Variants in SPATS2 observed in about 807,000 individuals in gnomAD.
SPATS2 encodes spermatogenesis-associated serine-rich protein 2.
Under a neutral mutation model 63.7 loss-of-function variants are expected in SPATS2, and 38 were observed. That is an observed-to-expected ratio of 0.60 (90% confidence interval 0.46 to 0.78). The LOEUF is 0.78. SPATS2 is among the 30% of genes least tolerant of loss of function. SPATS2 has a pLI of 0.00. For synonymous variants in SPATS2, 207 were observed against 232.9 expected, an observed-to-expected ratio of 0.89 and a Z score of 1.01; for missense variants, 588 against 666.2, an observed-to-expected ratio of 0.88 and a Z score of 1.29.
chr12:49,371,504 G>A (rs527474136), intron 2 of SPATS2, among the ~76,000 whole-genome samples: 53 of 152,150 alleles, frequency 3.5e-4, no homozygotes, highest in Admixed American at 1.1e-3. Flanking sequence ...GTGAATAATG[G>A]TGCTGTGAAT....
chr12:49,455,503 GCTCAAGCAGTGC>G (rs1231082435), intron 2 of SPATS2, among the ~76,000 whole-genome samples: 2 of 152,204 alleles, frequency 1.3e-5, no homozygotes, highest in Middle Eastern at 3.2e-3. Context: ...AGCTTCCCGG[GCTCAAGCAGTGC>G]CCCCACCTTA....
rs1947039704 is a variant in SPATS2, at chr12:49,526,571, G to A, written c.*316G>A. On this transcript the variant is annotated 3_prime_UTR_variant, in exon 14 of 14. Coordinates refer to ENST00000552918, the MANE Select transcript of SPATS2 (RefSeq NM_023071.4). ...TCCACTGTCCAGGCTGTCTCAGGAG[G>A]AGGTGAATCAGAGCTAGTCTGTCAC... 3.2e-6 allele frequency: 1 copy of A among 316,642 alleles called. No homozygotes were observed. The highest frequency in any genetic ancestry group is 6.8e-5 in the East Asian group (1 of 14,604). The allele number at this position is 316,642 out of a possible 1,614,324, so 19.6% of individuals were successfully genotyped here. A position where few individuals can be genotyped will look rare whatever the true frequency, so the allele number is the denominator to read the frequency against.
In SPATS2 at chr12:49,484,534, T is replaced by G. The variant is rs1946256729; in HGVS notation, c.26-56T>G. On this transcript the variant is annotated intron_variant, in intron 3 of 13. Transcript: ENST00000552918. The stretch of plus-strand genomic sequence containing the variant: ...AGCAGCCAGTCTTGGCCCTTCTGTC[T>G]TAGGGATGGATTATATTTGGATCAT... The G allele has an allele frequency of 5.1e-6, 8 of 1,558,608 alleles. No homozygotes were observed. The South Asian group carries it at 8.0e-5, about 16-fold the overall frequency.
chr12:49,491,400 T>C (rs1295669449), intron 6 of SPATS2, among the ~76,000 whole-genome samples: 1 of 152,088 alleles, frequency 6.6e-6, no homozygotes, highest in Non-Finnish European at 1.5e-5. Flanking sequence ...AGTCCTGATA[T>C]TAATGAGCTT....
At chr12:49,518,788 A>G (rs1946890549) in intron 10 of SPATS2, among the ~76,000 whole-genome samples, 1 of 152,202 alleles carries the variant, frequency 6.6e-6, no homozygotes, top group Admixed American at 6.5e-5. Context: ...TTATGTGTAC[A>G]TATTTCCTTT....
intron 2 of SPATS2, among the ~76,000 whole-genome samples, chr12:49,378,189 T>A (rs1045440408): frequency 3.9e-5 from 6 of 152,142 alleles, no homozygotes; most frequent in African/African-American, 7.2e-5. Flanking sequence ...GCCAGGCTGG[T>A]CTCAAACTCC....
At chr12:49,492,052 C>T (rs974448258) in intron 6 of SPATS2, among the ~76,000 whole-genome samples, 2 of 152,100 alleles carry the variant, frequency 1.3e-5, no homozygotes, top group African/African-American at 4.8e-5. Context: ...GCCTCAGTGA[C>T]GCTTGAGAAT....
At chr12:49,488,264 C>T (rs796976534) in intron 4 of SPATS2, among the ~76,000 whole-genome samples, 4 of 151,702 alleles carry the variant, frequency 2.6e-5, no homozygotes, top group African/African-American at 9.7e-5. Context: ...AGGCTGGTCT[C>T]GAACTCCTGA....
chr12:49,374,419 A>C (rs1324963695), intron 2 of SPATS2, among the ~76,000 whole-genome samples: 1 of 152,126 alleles, frequency 6.6e-6, no homozygotes, highest in Non-Finnish European at 1.5e-5. Flanking sequence ...TGTGAGCCAC[A>C]GTGCCCAGCT....
intron 9 of SPATS2, chr12:49,512,849 T>C (rs1217455637): frequency 1.6e-6 from 2 of 1,288,004 alleles, no homozygotes; most frequent in East Asian, 1.1e-4. Context: ...TGTGCTTTTG[T>C]TTTGTCTTTT....
In SPATS2 at chr12:49,367,512, C is replaced by A. The variant is rs924834158; in HGVS notation, c.-382C>A. ...GGGGAGGTGGAGGATCTCCTTTCCTCTTCTCAGACCCGGGAGCGTCCGGGA... is the reference window on the plus strand; with the variant it reads ...GGGGAGGTGGAGGATCTCCTTTCCTATTCTCAGACCCGGGAGCGTCCGGGA... On this transcript the variant is annotated 5_prime_UTR_variant, in exon 1 of 14. Coordinates refer to ENST00000552918, the MANE Select transcript of SPATS2 (RefSeq NM_023071.4). The A allele has an allele frequency of 1.0e-5, 4 of 398,706 alleles. No homozygotes were observed. The East Asian group carries it at 1.4e-4, about 14-fold the overall frequency. The allele number at this position is 398,706 out of a possible 1,614,324, so 24.7% of individuals were successfully genotyped here. A position where few individuals can be genotyped will look rare whatever the true frequency, so the allele number is the denominator to read the frequency against.
chr12:49,507,899 A>AT (rs1481796013), intron 9 of SPATS2, among the ~76,000 whole-genome samples: 1 of 152,252 alleles, frequency 6.6e-6, no homozygotes, highest in Non-Finnish European at 1.5e-5. Flanking sequence ...GAATACAAGA[A>AT]TTAAAATAAT....
intron 2 of SPATS2, among the ~76,000 whole-genome samples, chr12:49,434,753 A>G (rs1360900158): frequency 6.6e-6 from 1 of 152,156 alleles, no homozygotes; most frequent in African/African-American, 2.4e-5. Context: ...AATCTGGTTC[A>G]TTGGTTTTCT....
At chr12:49,436,833 T>C (rs1487237229) in intron 2 of SPATS2, among the ~76,000 whole-genome samples, 38 of 99,880 alleles carry the variant, frequency 3.8e-4, no homozygotes, top group African/African-American at 8.1e-4. Context: ...CCTCACCTCC[T>C]GGACGGGGCG....
intron 2 of SPATS2, among the ~76,000 whole-genome samples, chr12:49,394,171 C>T (rs1028623523): frequency 1.5e-4 from 23 of 152,132 alleles, no homozygotes; most frequent in African/African-American, 4.3e-4. Flanking sequence ...AACCCTGTCT[C>T]TACCAAAAAT....
intron 3 of SPATS2, among the ~76,000 whole-genome samples, chr12:49,476,188 C>T (rs966672819): frequency 6.6e-5 from 10 of 152,082 alleles, no homozygotes; most frequent in African/African-American, 1.9e-4. Flanking sequence ...GAGAGGAGCA[C>T]GTCAGGGGAG....
chr12:49,392,790 G>A (rs1434343333), intron 2 of SPATS2, among the ~76,000 whole-genome samples: 2 of 151,956 alleles, frequency 1.3e-5, no homozygotes, highest in Non-Finnish European at 2.9e-5. Flanking sequence ...GATGGCTCAC[G>A]CCTGTAATCC....
At chr12:49,488,119 AC>A (rs1946325289) in intron 4 of SPATS2, among the ~76,000 whole-genome samples, 1 of 151,400 alleles carries the variant, frequency 6.6e-6, no homozygotes, top group Admixed American at 6.6e-5. Context: ...ATCTCGACTC[AC>A]TGCAACCTCC....
intron 2 of SPATS2, among the ~76,000 whole-genome samples, chr12:49,440,558 T>TC (rs1945398877): frequency 6.6e-6 from 1 of 151,018 alleles, no homozygotes; most frequent in African/African-American, 2.4e-5. Flanking sequence ...AACTTCCACC[T>TC]CCCGAGTTCA....
Sources: gnomAD v4.1 joint callset for allele counts (sites outside exome capture counted in the v4.1 genomes callset) on GRCh38, gnomAD v4.1.1 for gene constraint, MANE v1.5 for transcripts, NCBI Gene and HGNC (gene_info 2026-07-23, HGNC 2026-07-21) for gene names.